FAM200C: variants seen among roughly 807,000 people sequenced by gnomAD.
At chr5:160,395,388 A>T in the FAM200C span, 1 of 1,614,096 alleles carries the variant, frequency 6.2e-7, no homozygotes. Flanking sequence ...GAAAATACTG[A>T]GTTACACAAC....
At chr5:160,395,103 G>T in the FAM200C span, 2 of 1,613,964 alleles carry the variant, frequency 1.2e-6, no homozygotes, top group Non-Finnish European at 1.7e-6. Flanking sequence ...TGTGCATCTG[G>T]TCCCAAAACT....
chr5:160,396,882 T>C, the FAM200C span, among the ~76,000 whole-genome samples: 2 of 152,112 alleles, frequency 1.3e-5, no homozygotes, highest in African/African-American at 4.8e-5. Context: ...CACATGCACA[T>C]ACACAAAATA....
the FAM200C span, chr5:160,393,490 G>C: frequency 7.2e-6 from 4 of 553,768 alleles, no homozygotes; most frequent in Non-Finnish European, 9.4e-6. Flanking sequence ...CTTAGAATTG[G>C]GAAAATCTCA....
At chr5:160,398,701 G>C in the FAM200C span, among the ~76,000 whole-genome samples, 1 of 152,208 alleles carries the variant, frequency 6.6e-6, no homozygotes, top group Non-Finnish European at 1.5e-5. Context: ...CAAAAAGGGA[G>C]AACAGGTGGC....
chr5:160,395,324 C>T, the FAM200C span: 4 of 1,614,180 alleles, frequency 2.5e-6, no homozygotes, highest in South Asian at 4.4e-5. Flanking sequence ...AGCTACACCA[C>T]CATGCTGTCT....
At chr5:160,397,671 G>C in the FAM200C span, among the ~76,000 whole-genome samples, 1 of 152,180 alleles carries the variant, frequency 6.6e-6, no homozygotes, top group Non-Finnish European at 1.5e-5. Context: ...AAAATAAGCT[G>C]AGCTGTTACA....
the FAM200C span, among the ~76,000 whole-genome samples, chr5:160,396,525 T>G: frequency 6.6e-6 from 1 of 151,598 alleles, no homozygotes. Context: ...CTGAGGTGGG[T>G]GGACTGCCTG....
chr5:160,400,013 A>G, the FAM200C span: 1 of 152,240 alleles, frequency 6.6e-6, no homozygotes, highest in East Asian at 1.9e-4. Flanking sequence ...CATCCGCAAC[A>G]ACCTCCGCCT....
At chr5:160,395,485 C>T in the FAM200C span, 45 of 1,613,116 alleles carry the variant, frequency 2.8e-5, no homozygotes, top group Non-Finnish European at 3.7e-5. Context: ...TGCGTTTCTT[C>T]GACATGGCAC....
At chr5:160,395,245 A>G in the FAM200C span, 3 of 1,614,082 alleles carry the variant, frequency 1.9e-6, no homozygotes, top group Non-Finnish European at 2.5e-6. Context: ...ATGCAACTCC[A>G]AATGCTTTCA....
chr5:160,393,530 T>C, the FAM200C span: 1 of 611,462 alleles, frequency 1.6e-6, no homozygotes, highest in Non-Finnish European at 2.8e-6. Flanking sequence ...GTACTTAATC[T>C]TTTCTGCTGT....
At chr5:160,397,953 C>T in the FAM200C span, among the ~76,000 whole-genome samples, 1 of 152,134 alleles carries the variant, frequency 6.6e-6, no homozygotes, top group African/African-American at 2.4e-5. Flanking sequence ...GAAATCATTA[C>T]AAGAGGGGCC....
chr5:160,394,973 C>G, the FAM200C span: 1 of 1,613,682 alleles, frequency 6.2e-7, no homozygotes, highest in Non-Finnish European at 8.5e-7. Context: ...AAGCTGAATA[C>G]CCACTTTAAG....
the FAM200C span, chr5:160,393,961 T>G: frequency 1.2e-5 from 20 of 1,613,876 alleles, no homozygotes; most frequent in Non-Finnish European, 1.5e-5. Flanking sequence ...CAAGCTTCAT[T>G]GTCTCAAATT....
At chr5:160,399,978 T>C in the FAM200C span, 3 of 152,260 alleles carry the variant, frequency 2.0e-5, no homozygotes, top group African/African-American at 4.8e-5. Context: ...CGGGCAGGAA[T>C]CTGCGGTGCG....
At chr5:160,394,307 C>A in the FAM200C span, 1 of 1,613,408 alleles carries the variant, frequency 6.2e-7, no homozygotes, top group South Asian at 1.1e-5. Context: ...TGTGTTCATC[C>A]CAGTCCTCTG....
the FAM200C span, among the ~76,000 whole-genome samples, chr5:160,399,079 T>C: frequency 6.6e-6 from 1 of 152,222 alleles, no homozygotes; most frequent in Admixed American, 6.5e-5. Flanking sequence ...GTATACATCA[T>C]TACACCGTTC....
chr5:160,396,697 G>GAAAA, the FAM200C span, among the ~76,000 whole-genome samples: 4 of 49,260 alleles, frequency 8.1e-5, no homozygotes, highest in Non-Finnish European at 1.4e-4. Flanking sequence ...AAGTCTCTGT[G>GAAAA]GAAAAAAAAA....
At chr5:160,398,346 T>C in the FAM200C span, among the ~76,000 whole-genome samples, 1 of 152,216 alleles carries the variant, frequency 6.6e-6, no homozygotes, top group South Asian at 2.1e-4. Context: ...GGTCAGGAGT[T>C]TGAGACTGGC....
Sources: allele counts gnomAD v4.1 joint callset (sites outside exome capture counted in the v4.1 genomes callset), GRCh38; gene constraint gnomAD v4.1.1; transcripts MANE v1.5.